The following PTPN21 variants were observed in gnomAD, a reference collection of about 807,000 sequenced individuals.
PTPN21 encodes tyrosine-protein phosphatase non-receptor type 21.
A neutral mutation model predicts 131.8 loss-of-function variants in PTPN21; 77 were observed. The observed-to-expected ratio is 0.58, with a 90% confidence interval of 0.49 to 0.71. The LOEUF (loss-of-function observed/expected upper bound fraction) is 0.71. PTPN21 is among the 30% of genes least tolerant of loss of function. The pLI, the probability that PTPN21 is intolerant of heterozygous loss-of-function variation, is 0.00. For missense variants in PTPN21, 1,552 were observed against 1,527.1 expected, an observed-to-expected ratio of 1.02 and a Z score of -0.27; for synonymous variants, 715 against 621.3, an observed-to-expected ratio of 1.15 and a Z score of -2.24.
chr14:88,520,607 T>C (rs190740270), intron 2 of PTPN21, among the ~76,000 whole-genome samples: 46 of 152,304 alleles, frequency 3.0e-4, no homozygotes, highest in Non-Finnish European at 5.4e-4. Flanking sequence ...TGTTCTTTTC[T>C]TTTTTTAAAC....
In PTPN21 at chr14:88,479,986, G is replaced by C. The variant is rs757216369; in HGVS notation, c.1445C>G (p.Ala482Gly). 6.2e-7 allele frequency: 1 copy of C among 1,611,326 alleles called. No individual in the cohort carries two copies. The highest frequency in any genetic ancestry group is 2.2e-5 in the East Asian group (1 of 44,876). Residue 482 changes from alanine (A) to glycine (G), a missense_variant, in exon 13 of 19, where the codon GCC (alanine) becomes GGC (glycine). Physicochemically the swap from Ala to Gly is moderately conservative, Grantham distance 60. This residue lies in a region of PTPN21 where 1,016 missense variants were observed against 883.5 expected (regional missense o/e 1.15). Transcript: ENST00000556564. ...LRNLNIGSSYAYSRPAALVYS... is the reference protein window; with the variant it reads ...LRNLNIGSSYGYSRPAALVYS... ...GACCAGCGCCGCGGGCCTGCTGTAG[G>C]CGTACGAGCTGCCGATGTTGAGGTT...
chr14:88,491,010 A>G (rs1453232124), intron 10 of PTPN21, among the ~76,000 whole-genome samples: 2 of 152,198 alleles, frequency 1.3e-5, no homozygotes, highest in Non-Finnish European at 2.9e-5. Flanking sequence ...AGTGAGAGAC[A>G]GTGGGTTTGA....
At chr14:88,530,079 C>G (rs894368105) in intron 2 of PTPN21, among the ~76,000 whole-genome samples, 7 of 152,182 alleles carry the variant, frequency 4.6e-5, no homozygotes, top group African/African-American at 1.7e-4. Flanking sequence ...CAGCAGATTT[C>G]TCAGCAGAAA....
At position 88,466,389 on chromosome 14, in the gene PTPN21, G is replaced by GAGTT. The variant is rs753543908; in HGVS notation, c.*1744_*1747dup. The stretch of plus-strand genomic sequence containing the variant: ...AGGTGGTTGGTTTCTGGGTAAGGCA[G>GAGTT]AGTTAGGCTGGTGCACACACTATTT... On this transcript the variant is annotated 3_prime_UTR_variant, in exon 19 of 19. Transcript: ENST00000556564. 5 of 152,268 alleles carry GAGTT rather than the reference G, an allele frequency of 3.3e-5. No homozygotes were observed. Among genetic ancestry groups the GAGTT allele is most frequent in the African/African-American group, 9.6e-5 (4 of 41,552 alleles). 9.4% of individuals were successfully genotyped at this position (152,268 alleles called of 1,614,324 possible).
Position 88,479,899 on chromosome 14 carries a change from G to C in PTPN21, c.1532C>G (p.Pro511Arg), listed in dbSNP as rs367566344. Residue 511 changes from proline (P) to arginine (R), a missense_variant, in exon 13 of 19, where the codon CCG becomes CGG. Around this residue, in one of 4 missense-constraint regions of PTPN21, gnomAD observed 1,016 missense variants for 883.5 expected, o/e 1.15. Transcript: ENST00000556564. ...QLPSPAAAHC[P>R]FSLSYSFHSP... ...GTGGAAGCTGTAGCTCAGGCTGAAC[G>C]GGCAGTGTGCGGCCGCTGGCGAGGG... The C allele has an allele frequency of 3.3e-5, 52 of 1,595,832 alleles. No individual in the cohort carries two copies. Among genetic ancestry groups the C allele is most frequent in the Non-Finnish European group, 4.2e-5 (49 of 1,175,238 alleles).
At chr14:88,539,816 CAT>C (rs2139352998) in intron 2 of PTPN21, among the ~76,000 whole-genome samples, 1 of 152,282 alleles carries the variant, frequency 6.6e-6, no homozygotes, top group East Asian at 1.9e-4. Flanking sequence ...CAATTTTAGA[CAT>C]ATTCACTATT....
chr14:88,501,677 C>T (rs1379778614), intron 6 of PTPN21, among the ~76,000 whole-genome samples: 1 of 152,054 alleles, frequency 6.6e-6, no homozygotes, highest in Admixed American at 6.6e-5. Flanking sequence ...CAAGTAATTG[C>T]TTATTATCCC....
Position 88,543,377 on chromosome 14 carries a change from C to A in PTPN21, c.180+6861G>T, listed in dbSNP as rs549876575. ...CACTTTCTAAGTGTTTCAGAAGAAG[C>A]CCCAAAGTGAAAAAGAAGAGTCTAA... is the stretch of plus-strand genomic sequence containing the variant. On this transcript the variant is annotated intron_variant, in intron 2 of 18. Transcript: ENST00000556564. 2.0e-5 allele frequency among the ~76,000 whole-genome samples: 3 copies of A among 152,228 alleles called. No individual in the cohort carries two copies. In the East Asian group the frequency reaches 5.8e-4, roughly 29 times the overall value.
At chr14:88,496,638 T>G in intron 9 of PTPN21, 146 bp from the exon 10 acceptor site, 1 of 642,686 alleles carries the variant, frequency 1.6e-6, no homozygotes, top group Non-Finnish European at 2.8e-6. Flanking sequence ...TTTCCAACAC[T>G]GTGCCCATGG....
chr14:88,479,446 G>A lies in PTPN21; in HGVS notation c.1985C>T (p.Ala662Val), dbSNP rs778390438. The A allele has an allele frequency of 1.9e-6, 3 of 1,601,852 alleles. No homozygotes were observed. Among genetic ancestry groups the A allele is most frequent in the African/African-American group, 1.3e-5 (1 of 74,904 alleles). The change falls in exon 13 of 19, where the codon GCA (alanine) becomes GTA (valine). Residue 662 changes from alanine (A) to valine (V), a missense_variant. This residue lies in a region of PTPN21 where 1,016 missense variants were observed against 883.5 expected (regional missense o/e 1.15). Coordinates refer to ENST00000556564, the MANE Select transcript of PTPN21 (RefSeq NM_007039.4). Reference protein sequence around the residue: ...LKERTLSASAAEVAPRAVSVG... With the variant: ...LKERTLSASAVEVAPRAVSVG... ...CGAGACGGCTCGCGGCGCCACCTCT[G>A]CCGCCGACGCGGATAGGGTGCGCTC... is the stretch of plus-strand genomic sequence containing the variant.
intron 13 of PTPN21, among the ~76,000 whole-genome samples, chr14:88,474,514 C>T (rs762057481): frequency 6.6e-6 from 1 of 152,070 alleles, no homozygotes. Context: ...TATATAAATT[C>T]TTTAAGTCAT....
At chr14:88,493,232 T>C in intron 10 of PTPN21, 1 of 351,572 alleles carries the variant, frequency 2.8e-6, no homozygotes, top group Non-Finnish European at 5.6e-6. Flanking sequence ...AAATTATTGT[T>C]ATGAATTATT....
chr14:88,511,726 A>G (rs1417291687), intron 3 of PTPN21, among the ~76,000 whole-genome samples: 3 of 152,170 alleles, frequency 2.0e-5, no homozygotes, highest in Admixed American at 6.5e-5. Context: ...TGAATTCAAA[A>G]CTGTCAGCCA....
intron 3 of PTPN21, among the ~76,000 whole-genome samples, chr14:88,511,455 G>A (rs907814946): frequency 1.3e-5 from 2 of 152,048 alleles, no homozygotes; most frequent in East Asian, 1.9e-4. Context: ...GGTGGATCAC[G>A]AGGTCAGAAG....
chr14:88,479,462 G>C lies in PTPN21; in HGVS notation c.1969C>G (p.Leu657Val). ...GCCACCTCTGCCGCCGACGCGGATA[G>C]GGTGCGCTCCTTGAGCCGCAGGCCC... ...LEGLRLKERTLSASAAEVAPR... is the reference protein window; with the variant it reads ...LEGLRLKERTVSASAAEVAPR... Residue 657 changes from leucine to valine, a missense_variant, in exon 13 of 19, where the codon CTA (leucine) becomes GTA (valine). By Grantham distance (32) the Leu-to-Val change is conservative. This residue lies in a region of PTPN21 where 1,016 missense variants were observed against 883.5 expected (regional missense o/e 1.15). Transcript: ENST00000556564. 1.2e-6 allele frequency: 2 copies of C among 1,602,746 alleles called. No homozygotes were observed. Among genetic ancestry groups the C allele is most frequent in the East Asian group, 2.2e-5 (1 of 44,796 alleles).
At chr14:88,533,293 A>G (rs1053365747) in intron 2 of PTPN21, among the ~76,000 whole-genome samples, 2 of 152,192 alleles carry the variant, frequency 1.3e-5, no homozygotes, top group African/African-American at 4.8e-5. Context: ...CACGTGCCGC[A>G]TAACAATGTT....
chr14:88,506,199 G>A (rs2078084856), intron 4 of PTPN21, among the ~76,000 whole-genome samples: 1 of 152,028 alleles, frequency 6.6e-6, no homozygotes, highest in African/African-American at 2.4e-5. Flanking sequence ...AATCAGCCAG[G>A]CATGGTAGCG....
Position 88,479,204 on chromosome 14 carries a change from G to A in PTPN21, c.2227C>T (p.Pro743Ser), listed in dbSNP as rs778813673. 4 of 1,580,808 alleles carry A rather than the reference G, an allele frequency of 2.5e-6. No homozygotes were observed. Among genetic ancestry groups the A allele is most frequent in the African/African-American group, 1.4e-5 (1 of 73,636 alleles). ...REPRPGLAQD[P>S]PGCPRVLLAG... The stretch of plus-strand genomic sequence containing the variant: ...AGCAGGACGCGAGGGCAGCCAGGTG[G>A]GTCCTGGGCCAGGCCGGGCCGAGGC... Residue 743 changes from proline (P) to serine (S), a missense_variant, in exon 13 of 19, where the codon CCA becomes TCA. Physicochemically the swap from Pro to Ser is moderately conservative, Grantham distance 74. Around this residue, in one of 4 missense-constraint regions of PTPN21, gnomAD observed 1,016 missense variants for 883.5 expected, o/e 1.15. Transcript: ENST00000556564.
At chr14:88,507,113 C>T (rs2078103360) in intron 4 of PTPN21, among the ~76,000 whole-genome samples, 1 of 151,890 alleles carries the variant, frequency 6.6e-6, no homozygotes, top group Non-Finnish European at 1.5e-5. Context: ...ACCTGTTCCC[C>T]AAAAACCTAT....
Sources: allele counts gnomAD v4.1 joint callset (sites outside exome capture counted in the v4.1 genomes callset), GRCh38; gene constraint gnomAD v4.1.1; regional missense constraint gnomAD v4.1.1; transcripts MANE v1.5; gene names NCBI Gene and HGNC (gene_info 2026-07-23, HGNC 2026-07-21).